The following AMPH variants were observed in gnomAD, a reference collection of about 807,000 sequenced individuals.
AMPH encodes the protein amphiphysin, also known as amphiphysin (Stiff-Mann syndrome with breast cancer 128kD autoantigen).
Under a neutral mutation model 99.1 loss-of-function variants are expected in AMPH, and 49 were observed. That is an observed-to-expected ratio of 0.49 (90% confidence interval 0.39 to 0.63). The LOEUF (loss-of-function observed/expected upper bound fraction) is 0.63, where lower values mean the gene tolerates loss of function less well. Among genes scored for constraint, AMPH ranks in the 20% least tolerant of loss-of-function variants. The pLI, the probability that AMPH is intolerant of heterozygous loss-of-function variation, is 0.00. For missense variants in AMPH, 759 were observed against 863.4 expected (o/e 0.88, Z 1.52); for synonymous variants, 314 against 317.3 (o/e 0.99, Z 0.11).
intron 1 of AMPH, among the ~76,000 whole-genome samples, chr7:38,581,002 TGAA>T (rs1255593033): frequency 6.6e-6 from 1 of 152,204 alleles, no homozygotes; most frequent in African/African-American, 2.4e-5. Flanking sequence ...TTTCTCAACA[TGAA>T]GACATAAAAT....
chr7:38,391,543 G>A (rs933873904), intron 19 of AMPH, among the ~76,000 whole-genome samples: 4 of 152,220 alleles, frequency 2.6e-5, no homozygotes, highest in African/African-American at 9.7e-5. Flanking sequence ...GCCCTGTGGT[G>A]AACTTCCCTT....
At chr7:38,525,998 T>A (rs1171773593) in intron 2 of AMPH, among the ~76,000 whole-genome samples, 1 of 152,320 alleles carries the variant, frequency 6.6e-6, no homozygotes, top group Middle Eastern at 3.4e-3. Context: ...ATGGTATACA[T>A]GTCTAATTTT....
chr7:38,470,795 C>G (rs1232725420), intron 7 of AMPH, among the ~76,000 whole-genome samples: 2 of 152,062 alleles, frequency 1.3e-5, no homozygotes, highest in Admixed American at 1.3e-4. Flanking sequence ...CATATATAAG[C>G]CAGACTCAAT....
At chr7:38,559,527 T>C (rs1009214924) in intron 1 of AMPH, among the ~76,000 whole-genome samples, 3 of 152,208 alleles carry the variant, frequency 2.0e-5, no homozygotes, top group Non-Finnish European at 4.4e-5. Flanking sequence ...TCAGACTATA[T>C]AGAAACAAAT....
At chr7:38,617,130 C>T (rs1793899543) in intron 1 of AMPH, among the ~76,000 whole-genome samples, 2 of 152,226 alleles carry the variant, frequency 1.3e-5, no homozygotes, top group Admixed American at 6.5e-5. Flanking sequence ...TTCAAAACAA[C>T]ATACATGCAC....
At chr7:38,619,312 G>C (rs1369001606) in intron 1 of AMPH, among the ~76,000 whole-genome samples, 2 of 152,152 alleles carry the variant, frequency 1.3e-5, no homozygotes, top group Non-Finnish European at 2.9e-5. Flanking sequence ...GACAAAGAAG[G>C]ACATTTAATA....
At chr7:38,620,933 G>A (rs1389500854) in intron 1 of AMPH, among the ~76,000 whole-genome samples, 4 of 152,058 alleles carry the variant, frequency 2.6e-5, no homozygotes, top group Admixed American at 1.3e-4. Context: ...CACAAACGAG[G>A]GACTGCTACC....
rs6949992 is a variant in AMPH, at chr7:38,391,829, A to G, written c.1797T>C (p.Ser599=). ...KPIQDPQPTP[S]APAMGAADQL... ...GGTCAGCAGCCCCCATGGCTGGTGCAGAAGGCGTGGGCTGAGGGTCCTGGA... is the reference window on the plus strand; with the variant it reads ...GGTCAGCAGCCCCCATGGCTGGTGCGGAAGGCGTGGGCTGAGGGTCCTGGA... Residue 599 remains serine, a synonymous_variant, in exon 19 of 21, where the codon TCT becomes TCC. Transcript: ENST00000356264. The G allele has an allele frequency of 0.091, 147,563 of 1,613,650 alleles. 7,300 individuals carry two copies. Among genetic ancestry groups the G allele is most frequent in the Middle Eastern group, 0.13 (794 of 5,914 alleles).
At chr7:38,452,387 A>G (rs1279286197) in intron 11 of AMPH, among the ~76,000 whole-genome samples, 1 of 152,184 alleles carries the variant, frequency 6.6e-6, no homozygotes, top group Non-Finnish European at 1.5e-5. Context: ...TGCAGTTAGC[A>G]TCTCATTTTT....
intron 2 of AMPH, among the ~76,000 whole-genome samples, chr7:38,509,176 T>G (rs184626969): frequency 7.9e-5 from 12 of 152,322 alleles, no homozygotes; most frequent in Admixed American, 7.2e-4. Context: ...TTCTTTTATT[T>G]CTTTTTTTCA....
intron 2 of AMPH, among the ~76,000 whole-genome samples, chr7:38,511,704 G>A (rs903887147): frequency 3.3e-5 from 5 of 152,116 alleles, no homozygotes; most frequent in Non-Finnish European, 5.9e-5. Context: ...TATACAAAAC[G>A]CTTTCTAAAT....
At chr7:38,605,465 T>C (rs1040567342) in intron 1 of AMPH, among the ~76,000 whole-genome samples, 1 of 152,232 alleles carries the variant, frequency 6.6e-6, no homozygotes, top group African/African-American at 2.4e-5. Context: ...TCACATTTGG[T>C]TCTCTGTGAA....
intron 14 of AMPH, chr7:38,429,531 T>C (rs1308170876): frequency 1.4e-6 from 2 of 1,392,534 alleles, no homozygotes; most frequent in Non-Finnish European, 9.5e-7. Flanking sequence ...GTCTGGAGTT[T>C]CCTCCATGAT....
In AMPH at chr7:38,475,421, GA is replaced by G; in HGVS notation, c.505-6del. 6.2e-7 allele frequency: 1 copy of G among 1,604,346 alleles called. No individual in the cohort carries two copies. Among genetic ancestry groups the G allele is most frequent in the Non-Finnish European group, 8.5e-7 (1 of 1,172,314 alleles). On this transcript the variant is annotated splice_region_variant and splice_polypyrimidine_tract_variant and intron_variant, in intron 6 of 20. Transcript: ENST00000356264. ...TTTCTGAAATTCTTCTTCTGCCTAG[GA>G]ATGAAACATAACATGTGTTTACACT... is the stretch of plus-strand genomic sequence containing the variant.
At position 38,461,399 on chromosome 7, in the gene AMPH, G is replaced by T. The variant is rs1238462562; in HGVS notation, c.901C>A (p.Pro301Thr). The change falls in exon 11 of 21, where the codon CCT (proline) becomes ACT (threonine). Residue 301 changes from proline to threonine, a missense_variant. Coordinates refer to ENST00000356264, the MANE Select transcript of AMPH (RefSeq NM_001635.4). ...PRSPSQTRKGPPVPPLPKVTP... is the reference protein window; with the variant it reads ...PRSPSQTRKGTPVPPLPKVTP... ...ACTTTAGGTAGAGGTGGGACAGGAGGCCCTTTCCTTGTCTAGGAAGCATTA... is the reference window on the plus strand; with the variant it reads ...ACTTTAGGTAGAGGTGGGACAGGAGTCCCTTTCCTTGTCTAGGAAGCATTA... The T allele has an allele frequency of 1.9e-6, 3 of 1,614,006 alleles. No homozygotes were observed. In the African/African-American group the frequency reaches 4.0e-5, roughly 22 times the overall value.
chr7:38,624,997 A>G (rs1584319407), intron 1 of AMPH, among the ~76,000 whole-genome samples: 1 of 152,174 alleles, frequency 6.6e-6, no homozygotes, highest in Non-Finnish European at 1.5e-5. Flanking sequence ...AAAGCAACCA[A>G]TTATCACCAC....
chr7:38,464,920 C>T (rs1404241437), intron 9 of AMPH, among the ~76,000 whole-genome samples: 2 of 152,044 alleles, frequency 1.3e-5, no homozygotes, highest in South Asian at 2.1e-4. Context: ...ATTGGGGCTC[C>T]GGGGTATTTG....
chr7:38,391,252 C>CT (rs954078694), intron 19 of AMPH, among the ~76,000 whole-genome samples: 6 of 151,952 alleles, frequency 3.9e-5, no homozygotes, highest in African/African-American at 7.3e-5. Flanking sequence ...ACTTAGCCGC[C>CT]TTTTTTTTCT....
At chr7:38,532,124 T>A (rs1790423430) in intron 2 of AMPH, among the ~76,000 whole-genome samples, 1 of 152,136 alleles carries the variant, frequency 6.6e-6, no homozygotes, top group African/African-American at 2.4e-5. Flanking sequence ...CAGCTACACT[T>A]CTCAACCTTT....
Sources: allele counts gnomAD v4.1 joint callset (sites outside exome capture counted in the v4.1 genomes callset), GRCh38; gene constraint gnomAD v4.1.1; transcripts MANE v1.5; gene names NCBI Gene and HGNC (gene_info 2026-07-23, HGNC 2026-07-21).